The following MED13L variants were observed in gnomAD, a reference collection of about 807,000 sequenced individuals.
MED13L encodes the protein mediator of RNA polymerase II transcription subunit 13-like.
Under a neutral mutation model 220.9 loss-of-function variants are expected in MED13L, and 7 were observed. The ratio of observed to expected loss-of-function variants is 0.03; its 90% CI spans 0.02 to 0.06. The LOEUF (loss-of-function observed/expected upper bound fraction) is 0.06. Ranked by LOEUF, MED13L falls within the 10% of genes least tolerant of loss-of-function variation. The pLI, the probability that MED13L is intolerant of heterozygous loss-of-function variation, is 1.00. For synonymous variants in MED13L, 1,011 were observed against 1,015.2 expected (o/e 1.00, Z 0.08); for missense variants, 1,965 against 2,760.5 (o/e 0.71, Z 6.46).
intron 2 of MED13L, chr12:116,169,370 C>G (rs1398700028): frequency 6.6e-6 from 1 of 152,096 alleles, no homozygotes; most frequent in Non-Finnish European, 1.5e-5. Flanking sequence ...AAATTTTTTG[C>G]TAAATAAGCT....
intron 16 of MED13L, among the ~76,000 whole-genome samples, chr12:115,993,054 T>A (rs1878169282): frequency 1.3e-5 from 2 of 152,144 alleles, no homozygotes; most frequent in South Asian, 4.1e-4. Flanking sequence ...GTACAACATT[T>A]ATATAGCATT....
At chr12:116,027,799 G>A (rs1040059274) in intron 4 of MED13L, among the ~76,000 whole-genome samples, 13 of 152,136 alleles carry the variant, frequency 8.5e-5, no homozygotes, top group Admixed American at 2.6e-4. Context: ...AATAAAAACC[G>A]CACTGAGAAC....
intron 2 of MED13L, among the ~76,000 whole-genome samples, chr12:116,134,000 T>A (rs963594605): frequency 3.3e-5 from 5 of 152,170 alleles, no homozygotes; most frequent in African/African-American, 1.2e-4. Context: ...TTGGAGCCCT[T>A]CCAGTGGAGC....
chr12:116,104,612 G>A (rs1311872651), intron 3 of MED13L, among the ~76,000 whole-genome samples: 2 of 152,152 alleles, frequency 1.3e-5, no homozygotes, highest in African/African-American at 4.8e-5. Flanking sequence ...GAGCCATTAT[G>A]TTTTACAAAT....
At chr12:116,253,715 T>C (rs1871772296) in intron 1 of MED13L, among the ~76,000 whole-genome samples, 1 of 150,982 alleles carries the variant, frequency 6.6e-6, no homozygotes, top group Non-Finnish European at 1.5e-5. Flanking sequence ...AGAAAAAACA[T>C]TTAACAAAAA....
chr12:116,162,249 T>C (rs1254853615), intron 2 of MED13L, among the ~76,000 whole-genome samples: 2 of 152,190 alleles, frequency 1.3e-5, no homozygotes, highest in Non-Finnish European at 2.9e-5. Flanking sequence ...AATCAGCTTA[T>C]TTTCCCCATT....
intron 2 of MED13L, among the ~76,000 whole-genome samples, chr12:116,207,079 A>G (rs2138335060): frequency 6.6e-6 from 1 of 152,274 alleles, no homozygotes; most frequent in South Asian, 2.1e-4. Flanking sequence ...TGCCGCCATG[A>G]TGACGTTTCA....
At chr12:116,125,222 G>C (rs895253255) in intron 2 of MED13L, among the ~76,000 whole-genome samples, 18 of 152,178 alleles carry the variant, frequency 1.2e-4, no homozygotes, top group Non-Finnish European at 2.4e-4. Context: ...CATAATCCCA[G>C]CTATTCAGGC....
intron 4 of MED13L, among the ~76,000 whole-genome samples, chr12:116,073,849 A>C (rs1216738610): frequency 6.6e-6 from 1 of 152,178 alleles, no homozygotes; most frequent in Non-Finnish European, 1.5e-5. Context: ...CTCTAAATAC[A>C]AATTCAATTA....
At chr12:115,969,195 C>T in intron 27 of MED13L, 98 bp from the exon 28 acceptor site, 4 of 1,346,396 alleles carry the variant, frequency 3.0e-6, no homozygotes, top group Non-Finnish European at 4.2e-6. Context: ...GTTTTGTTGG[C>T]ATATGGCTAT....
intron 2 of MED13L, among the ~76,000 whole-genome samples, chr12:116,115,859 G>A (rs1378422498): frequency 2.0e-5 from 3 of 152,014 alleles, no homozygotes; most frequent in Non-Finnish European, 2.9e-5. Context: ...ACAATTCTAC[G>A]TGCTGATTAA....
At chr12:116,140,695 A>G (rs1876991597) in intron 2 of MED13L, among the ~76,000 whole-genome samples, 2 of 152,188 alleles carry the variant, frequency 1.3e-5, no homozygotes, top group Admixed American at 6.5e-5. Flanking sequence ...TTTCAACAAC[A>G]ATCAGTCATC....
At chr12:116,261,078 C>T (rs1021649495) in intron 1 of MED13L, among the ~76,000 whole-genome samples, 6 of 152,082 alleles carry the variant, frequency 3.9e-5, no homozygotes, top group Non-Finnish European at 7.4e-5. Context: ...CAATCACCAC[C>T]GTCTCTACCC....
At chr12:116,101,712 T>C (rs2137841420) in intron 3 of MED13L, among the ~76,000 whole-genome samples, 1 of 152,328 alleles carries the variant, frequency 6.6e-6, no homozygotes, top group Admixed American at 6.5e-5. Flanking sequence ...TGACAGATAA[T>C]TCTAAGATAT....
At chr12:116,088,736 A>AGAGGG (rs761867053) in intron 4 of MED13L, among the ~76,000 whole-genome samples, 18 of 144,980 alleles carry the variant, frequency 1.2e-4, no homozygotes, top group South Asian at 9.6e-4. Flanking sequence ...AGAAAAGAGG[A>AGAGGG]GAGGGGAGGG....
At chr12:116,108,076 C>T (rs1290381341) in intron 3 of MED13L, among the ~76,000 whole-genome samples, 2 of 151,054 alleles carry the variant, frequency 1.3e-5, no homozygotes, top group African/African-American at 4.9e-5. Context: ...GGCAACAGAG[C>T]GAGACTCCAT....
chr12:116,274,429 A>C (rs192329477), intron 1 of MED13L, among the ~76,000 whole-genome samples: 516 of 151,414 alleles, frequency 3.4e-3, no homozygotes, highest in Middle Eastern at 0.01. Context: ...CAAAACAAAA[A>C]AAAAAAAAAC....
Position 115,984,313 on chromosome 12 carries a change from G to C in MED13L, c.4398C>G (p.Arg1466=). ...ICKVLRDGIM[R]VGKTVAQKLT... Reference sequence around the variant, plus strand: ...GCTTCTGTGCCACAGTTTTTCCCACGCGCATGATCCCGTCACGTAGCACTT... The same window carrying C: ...GCTTCTGTGCCACAGTTTTTCCCACCCGCATGATCCCGTCACGTAGCACTT... Residue 1466 remains arginine, a synonymous_variant, in exon 20 of 31, where the codon CGC becomes CGG. Transcript: ENST00000281928. 6.2e-7 allele frequency: 1 copy of C among 1,614,038 alleles called. No individual in the cohort carries two copies. The highest frequency in any genetic ancestry group is 8.5e-7 in the Non-Finnish European group (1 of 1,179,994).
At position 116,019,396 on chromosome 12, in the gene MED13L, A is replaced by C; in HGVS notation, c.837T>G (p.Val279=). ...VEVIVGGVRM[V]YPSAFVLISQ... ...AGATCAAAACAAATGCTGAAGGGTA[A>C]ACCATCCGAACACCACCTATAAGCA... The change falls in exon 7 of 31, where the codon GTT becomes GTG. Residue 279 remains valine, a synonymous_variant. Transcript: ENST00000281928. The C allele has an allele frequency of 1.2e-6, 2 of 1,613,982 alleles. No homozygotes were observed. Among genetic ancestry groups the C allele is most frequent in the Non-Finnish European group, 1.7e-6 (2 of 1,179,892 alleles).
Sources: gnomAD v4.1 joint callset for allele counts (sites outside exome capture counted in the v4.1 genomes callset) on GRCh38, gnomAD v4.1.1 for gene constraint, MANE v1.5 for transcripts, NCBI Gene and HGNC (gene_info 2026-07-23, HGNC 2026-07-21) for gene names.